Variants in MECOM observed in about 807,000 individuals in gnomAD.
The protein encoded by MECOM is histone-lysine N-methyltransferase MECOM.
A neutral mutation model predicts 116.3 loss-of-function variants in MECOM; 13 were observed. That is an observed-to-expected ratio of 0.11 (90% CI 0.07 to 0.18). The LOEUF is 0.18. Among genes scored for constraint, MECOM ranks in the 10% least tolerant of loss-of-function variants. The pLI is 1.00. For synonymous variants in MECOM, 528 were observed against 535.2 expected (o/e 0.99, Z 0.19); for missense variants, 1,299 against 1,509.0 (o/e 0.86, Z 2.31).
intron 2 of MECOM, among the ~76,000 whole-genome samples, chr3:169,380,159 C>G (rs956478430): frequency 3.3e-5 from 5 of 152,060 alleles, no homozygotes; most frequent in African/African-American, 1.2e-4. Flanking sequence ...TAAAAGCTAA[C>G]CAGATATTCT....
intron 1 of MECOM, among the ~76,000 whole-genome samples, chr3:169,485,322 G>T (rs1424947515): frequency 6.6e-6 from 1 of 152,008 alleles, no homozygotes; most frequent in Non-Finnish European, 1.5e-5. Flanking sequence ...TCAAAATAAG[G>T]TTAAAAACAA....
At chr3:169,247,197 C>G (rs945237580) in intron 2 of MECOM, among the ~76,000 whole-genome samples, 6 of 151,976 alleles carry the variant, frequency 3.9e-5, no homozygotes, top group Non-Finnish European at 7.4e-5. Flanking sequence ...ATAATAATTA[C>G]TATCATTCAG....
At chr3:169,260,509 T>C (rs1462650061) in intron 2 of MECOM, among the ~76,000 whole-genome samples, 2 of 152,094 alleles carry the variant, frequency 1.3e-5, no homozygotes, top group Non-Finnish European at 2.9e-5. Flanking sequence ...ATGGTGTCAT[T>C]GTTCTTGGTT....
At chr3:169,330,286 A>C (rs1241832280) in intron 2 of MECOM, among the ~76,000 whole-genome samples, 3 of 152,280 alleles carry the variant, frequency 2.0e-5, no homozygotes, top group African/African-American at 7.2e-5. Flanking sequence ...GGCCTCCCTA[A>C]GTGCTGGGAT....
intron 1 of MECOM, among the ~76,000 whole-genome samples, chr3:169,654,331 C>A (rs573998988): frequency 2.0e-5 from 3 of 152,124 alleles, no homozygotes; most frequent in African/African-American, 7.2e-5. Flanking sequence ...ACATGTTACC[C>A]GAACATATAT....
chr3:169,290,504 A>G (rs9865969), intron 2 of MECOM, among the ~76,000 whole-genome samples: 12,266 of 152,156 alleles, frequency 0.081, 1,302 homozygotes, highest in African/African-American at 0.24. Context: ...GCATGAAAAA[A>G]AATAATAGCT....
At chr3:169,577,201 G>T (rs1764617215) in intron 1 of MECOM, among the ~76,000 whole-genome samples, 1 of 152,186 alleles carries the variant, frequency 6.6e-6, no homozygotes, top group South Asian at 2.1e-4. Flanking sequence ...AGGATGAAAT[G>T]AGTTAACGTA....
At chr3:169,267,056 T>C (rs1464899029) in intron 2 of MECOM, among the ~76,000 whole-genome samples, 1 of 152,238 alleles carries the variant, frequency 6.6e-6, no homozygotes. Context: ...ATGCACTATT[T>C]TCATTGTTCT....
In MECOM at chr3:169,605,967, A is replaced by G. The variant is rs138098734; in HGVS notation, c.37+57369T>C. ...AGAGAGATGACTCTGTAAAGAAACCAGAACCTGAAAATGTGATCATTTTCC... is the reference window on the plus strand; with the variant it reads ...AGAGAGATGACTCTGTAAAGAAACCGGAACCTGAAAATGTGATCATTTTCC... On this transcript the variant is annotated intron_variant, in intron 1 of 16. Transcript: ENST00000651503. Among the ~76,000 whole-genome samples the G allele has an allele frequency of 6.1e-3, 926 of 152,354 alleles. 5 individuals are homozygous for G. Among genetic ancestry groups the G allele is most frequent in the Non-Finnish European group, 9.6e-3 (653 of 68,036 alleles).
chr3:169,571,630 G>T (rs1243334768), intron 1 of MECOM, among the ~76,000 whole-genome samples: 1 of 152,092 alleles, frequency 6.6e-6, no homozygotes, highest in Admixed American at 6.6e-5. Flanking sequence ...CATGGTACTG[G>T]TACCAAAACA....
chr3:169,101,458 A>T (rs1441236943), intron 11 of MECOM, among the ~76,000 whole-genome samples: 1 of 152,158 alleles, frequency 6.6e-6, no homozygotes, highest in Non-Finnish European at 1.5e-5. Flanking sequence ...TAAAAGCTTT[A>T]TTTCTGGAAA....
intron 2 of MECOM, chr3:169,146,935 C>G (rs917782356): frequency 1.1e-5 from 11 of 1,021,884 alleles, no homozygotes; most frequent in Admixed American, 5.1e-5. Context: ...CAACTTTGTC[C>G]GTCTCTAGGA....
chr3:169,219,279 G>A (rs143081286), intron 2 of MECOM, among the ~76,000 whole-genome samples: 2,096 of 152,268 alleles, frequency 0.014, 50 homozygotes, highest in African/African-American at 0.047. Context: ...GGCCGAGGAG[G>A]GTGGATCACG....
At chr3:169,408,130 A>G (rs1736986493) in intron 1 of MECOM, among the ~76,000 whole-genome samples, 1 of 152,226 alleles carries the variant, frequency 6.6e-6, no homozygotes, top group Admixed American at 6.5e-5. Flanking sequence ...CTACAAAGGA[A>G]AATCCTTCAA....
chr3:169,484,644 T>C (rs1244983681), intron 1 of MECOM, among the ~76,000 whole-genome samples: 1 of 152,172 alleles, frequency 6.6e-6, no homozygotes, highest in East Asian at 1.9e-4. Context: ...GATTAAAGTT[T>C]TCAGGGATTG....
chr3:169,108,867 A>G (rs1334010376), intron 9 of MECOM, among the ~76,000 whole-genome samples: 1 of 152,190 alleles, frequency 6.6e-6, no homozygotes, highest in Admixed American at 6.5e-5. Flanking sequence ...CCAATTTAAA[A>G]GAAAGAAAAT....
At chr3:169,156,829 A>C (rs1012983328) in intron 2 of MECOM, among the ~76,000 whole-genome samples, 26 of 152,334 alleles carry the variant, frequency 1.7e-4, no homozygotes, top group Non-Finnish European at 2.5e-4. Context: ...AGGAGAAAGA[A>C]AAGCAGCAGT....
intron 2 of MECOM, among the ~76,000 whole-genome samples, chr3:169,262,652 G>A (rs1394308649): frequency 6.6e-6 from 1 of 151,992 alleles, no homozygotes; most frequent in Non-Finnish European, 1.5e-5. Flanking sequence ...TTATTGCAGT[G>A]GAGTGTCACA....
chr3:169,296,943 C>T (rs906326741), intron 2 of MECOM, among the ~76,000 whole-genome samples: 1 of 152,206 alleles, frequency 6.6e-6, no homozygotes. Flanking sequence ...TATTACTTTG[C>T]AATTGTTAGA....
Sources: allele counts gnomAD v4.1 joint callset (sites outside exome capture counted in the v4.1 genomes callset), GRCh38; gene constraint gnomAD v4.1.1; transcripts MANE v1.5; gene names NCBI Gene and HGNC (gene_info 2026-07-23, HGNC 2026-07-21).